ZNF831: variants seen among roughly 807,000 people sequenced by gnomAD.
The protein encoded by ZNF831 is chromosome 20 open reading frame 174.
In ZNF831, 59 loss-of-function variants were observed where a neutral mutation model predicts 95.8. The ratio of observed to expected loss-of-function variants is 0.62; its 90% CI spans 0.50 to 0.77. ZNF831 has a LOEUF of 0.77. ZNF831 is among the 30% of genes least tolerant of loss of function. The pLI is 0.00. For missense variants in ZNF831, 2,205 were observed against 2,164.0 expected, an observed-to-expected ratio of 1.02 and a Z score of -0.38; for synonymous variants, 961 against 925.5, an observed-to-expected ratio of 1.04 and a Z score of -0.70.
In ZNF831 at chr20:59,207,031, T is replaced by TG; in HGVS notation, c.4005dup (p.Gln1336AlafsTer35). 6.2e-7 allele frequency: 1 copy of TG among 1,614,172 alleles called. No individual in the cohort carries two copies. Among genetic ancestry groups the TG allele is most frequent in the South Asian group, 1.1e-5 (1 of 91,080 alleles). On this transcript the variant is annotated frameshift_variant, in exon 4 of 6. Coordinates refer to ENST00000371030, the MANE Select transcript of ZNF831 (RefSeq NM_178457.3). LOFTEE classifies it high-confidence loss of function. ...AGGGACTGAAGCCATGCAGGACCCC[T>TG]GGGCAGACCTCTTCAGAAATAGCAG...
intron 1 of ZNF831, among the ~76,000 whole-genome samples, chr20:59,182,060 C>T (rs1193185624): frequency 6.6e-6 from 1 of 152,180 alleles, no homozygotes; most frequent in African/African-American, 2.4e-5. Context: ...TACTTCTCAA[C>T]TCCTTGATCT....
intron 1 of ZNF831, among the ~76,000 whole-genome samples, chr20:59,171,364 C>G (rs1381097614): frequency 6.6e-6 from 1 of 152,220 alleles, no homozygotes; most frequent in Non-Finnish European, 1.5e-5. Flanking sequence ...TTTTTTGGAG[C>G]TGAGAGGCAA....
intron 4 of ZNF831, among the ~76,000 whole-genome samples, chr20:59,235,630 G>A (rs889529475): frequency 3.3e-5 from 5 of 152,008 alleles, no homozygotes; most frequent in Admixed American, 2.6e-4. Flanking sequence ...TAGAATCCTC[G>A]CTGAGAAAAT....
intron 4 of ZNF831, among the ~76,000 whole-genome samples, chr20:59,210,598 C>A (rs1985230943): frequency 6.6e-6 from 1 of 152,174 alleles, no homozygotes; most frequent in East Asian, 1.9e-4. Context: ...CTCATGGTGA[C>A]CCTGGGGGCC....
At chr20:59,251,567 A>G (rs1987890296) in intron 4 of ZNF831, among the ~76,000 whole-genome samples, 1 of 152,194 alleles carries the variant, frequency 6.6e-6, no homozygotes, top group Non-Finnish European at 1.5e-5. Context: ...CCAAGAAAAA[A>G]GAAGTTGTAG....
chr20:59,152,407 C>A (rs1431652330), intron 2 of ZNF831, among the ~76,000 whole-genome samples: 1 of 151,954 alleles, frequency 6.6e-6, no homozygotes, highest in Non-Finnish European at 1.5e-5. Context: ...GTTTGTGGAT[C>A]AAGAGAAGGA....
chr20:59,167,450 G>A (rs910710411), intron 1 of ZNF831, among the ~76,000 whole-genome samples: 5 of 150,256 alleles, frequency 3.3e-5, no homozygotes, highest in East Asian at 1.9e-4. Context: ...AATTAACTTC[G>A]ATGAGGTCCA....
intron 4 of ZNF831, among the ~76,000 whole-genome samples, chr20:59,209,138 A>G (rs1985114567): frequency 6.6e-6 from 1 of 152,168 alleles, no homozygotes; most frequent in Non-Finnish European, 1.5e-5. Context: ...CTTCCCCGGG[A>G]CATCTCGTGT....
chr20:59,210,683 C>A (rs930247591), intron 4 of ZNF831, among the ~76,000 whole-genome samples: 1 of 152,182 alleles, frequency 6.6e-6, no homozygotes, highest in Non-Finnish European at 1.5e-5. Flanking sequence ...GGGTCCTGCA[C>A]GCTCACCCCA....
At chr20:59,153,711 G>A (rs1980379831) in intron 2 of ZNF831, among the ~76,000 whole-genome samples, 1 of 151,682 alleles carries the variant, frequency 6.6e-6, no homozygotes. Flanking sequence ...GCATAGTCTT[G>A]GAGAGGGAAT....
chr20:59,211,824 C>A (rs969342861), intron 4 of ZNF831, among the ~76,000 whole-genome samples: 1 of 144,296 alleles, frequency 6.9e-6, no homozygotes, highest in Admixed American at 6.7e-5. Flanking sequence ...CGTGAGTGTG[C>A]CTGTGTTTTT....
rs2146764801 is a variant in ZNF831, at chr20:59,254,147, A to C, written c.4438A>C (p.Thr1480Pro). Residue 1480 changes from threonine to proline, a missense_variant, in exon 6 of 6, where the codon ACT (threonine) becomes CCT (proline). Physicochemically the swap from Thr to Pro is conservative, Grantham distance 38 (BLOSUM62 -1). Transcript: ENST00000371030. The surrounding 1 kb of genome is among the most constrained non-coding windows in gnomAD (Gnocchi z 4.5). ...GCCTTCTTCCTTTGGGTCCAAAGGA[A>C]CTTTTCCCCACCATGACATTGCTAC... ...QRPSSFGSKGTFPHHDIATSV... is the reference protein window; with the variant it reads ...QRPSSFGSKGPFPHHDIATSV... 4.3e-6 allele frequency: 7 copies of C among 1,614,004 alleles called. No individual in the cohort carries two copies. The highest frequency in any genetic ancestry group is 5.9e-6 in the Non-Finnish European group (7 of 1,180,004).
chr20:59,215,684 C>T (rs1985631523), intron 4 of ZNF831, among the ~76,000 whole-genome samples: 1 of 152,218 alleles, frequency 6.6e-6, no homozygotes, highest in Admixed American at 6.5e-5. Context: ...TTGAAATCAT[C>T]TAGGTGCCAC....
Position 59,217,948 on chromosome 20 carries a change from C to T in ZNF831, c.4027+10892C>T, listed in dbSNP as rs1397531424. On this transcript the variant is annotated intron_variant, in intron 4 of 5. Coordinates refer to ENST00000371030, the MANE Select transcript of ZNF831 (RefSeq NM_178457.3). This position sits in a 1 kb window ranked among gnomAD's most constrained non-coding sequence, Gnocchi z 4.4. ...CTGTCACTGCAAAGGACATCAAGGC[C>T]TTCCTCTGTGCCCAGCCAATTCATT... Among the ~76,000 whole-genome samples, 1 of 152,184 alleles carries T rather than the reference C, an allele frequency of 6.6e-6. No individual in the cohort carries two copies. The highest frequency in any genetic ancestry group is 1.5e-5 in the Non-Finnish European group (1 of 68,024).
rs2146762230 is a variant in ZNF831, at chr20:59,253,992, C to G, written c.4283C>G (p.Ala1428Gly). The change falls in exon 6 of 6, where the codon GCA (alanine) becomes GGA (glycine). Residue 1428 changes from alanine (A) to glycine (G), a missense_variant. Coordinates refer to ENST00000371030, the MANE Select transcript of ZNF831 (RefSeq NM_178457.3). ...GLSLQSDTCL[A>G]VVNDVPLPPG... ...TCTCTGCAATCTGACACCTGCCTGG[C>G]AGTGGTTAATGACGTGCCTCTACCC... 2 of 1,613,902 alleles carry G rather than the reference C, an allele frequency of 1.2e-6. No individual in the cohort carries two copies. The highest frequency in any genetic ancestry group is 1.7e-6 in the Non-Finnish European group (2 of 1,180,018).
chr20:59,170,098 C>T (rs1488826541), intron 1 of ZNF831, among the ~76,000 whole-genome samples: 1 of 151,954 alleles, frequency 6.6e-6, no homozygotes, highest in Non-Finnish European at 1.5e-5. Flanking sequence ...ATTTGAAACC[C>T]TCCCTCTTTT....
intron 4 of ZNF831, 67 bp from the exon 5 acceptor site, chr20:59,252,911 C>G: frequency 2.6e-6 from 4 of 1,524,902 alleles, no homozygotes; most frequent in Non-Finnish European, 3.5e-6. Flanking sequence ...TGGACAACCT[C>G]CCAGGAAATT....
chr20:59,126,938 G>A (rs911422950), intron 1 of ZNF831, among the ~76,000 whole-genome samples: 4 of 152,082 alleles, frequency 2.6e-5, no homozygotes, highest in African/African-American at 4.8e-5. Flanking sequence ...GGCTTTGAGC[G>A]CCTGTTGGAA....
intron 2 of ZNF831, among the ~76,000 whole-genome samples, chr20:59,150,300 T>A (rs990930651): frequency 6.6e-6 from 1 of 151,910 alleles, no homozygotes; most frequent in Non-Finnish European, 1.5e-5. Flanking sequence ...TTCCTTTGAG[T>A]TTAGGTAAAA....
Sources: gnomAD v4.1 joint callset for allele counts (sites outside exome capture counted in the v4.1 genomes callset) on GRCh38, gnomAD v4.1.1 for gene constraint, Gnocchi (gnomAD v3.1) non-coding constraint, MANE v1.5 for transcripts, NCBI Gene and HGNC (gene_info 2026-07-23, HGNC 2026-07-21) for gene names.